The following FBXL2 variants were observed in gnomAD, a reference collection of about 807,000 sequenced individuals.
The protein encoded by FBXL2 is F-box and leucine rich repeat protein 2, also known as F-box/LRR-repeat protein 2.
Under a neutral mutation model 69.2 loss-of-function variants are expected in FBXL2, and 38 were observed. The observed-to-expected ratio is 0.55, with a 90% CI of 0.42 to 0.72. FBXL2 has a LOEUF of 0.72. Among genes scored for constraint, FBXL2 ranks in the 30% least tolerant of loss-of-function variants. The probability of loss-of-function intolerance (pLI) is 0.00; values close to 1 mark genes in which losing one functional copy is unlikely to be tolerated. For missense variants in FBXL2, 354 were observed against 520.3 expected (o/e 0.68, Z 3.11); for synonymous variants, 192 against 201.3 (o/e 0.95, Z 0.39).
chr3:33,334,557 T>C (rs1379725364), intron 2 of FBXL2, among the ~76,000 whole-genome samples: 2 of 152,026 alleles, frequency 1.3e-5, no homozygotes, highest in Non-Finnish European at 2.9e-5. Flanking sequence ...TAAGGAAATA[T>C]TAAGAGGTCT....
chr3:33,336,458 A>G (rs1416892246), intron 2 of FBXL2, among the ~76,000 whole-genome samples: 3 of 152,234 alleles, frequency 2.0e-5, no homozygotes, highest in Non-Finnish European at 2.9e-5. Flanking sequence ...GTTCATAGAT[A>G]TAAATGTGAA....
At chr3:33,315,190 T>A (rs1464503430) in intron 2 of FBXL2, among the ~76,000 whole-genome samples, 1 of 151,834 alleles carries the variant, frequency 6.6e-6, no homozygotes, top group Non-Finnish European at 1.5e-5. Context: ...ATTCTTTCCT[T>A]TCTTTTCTTT....
chr3:33,382,383 C>T (rs981976304), intron 13 of FBXL2, among the ~76,000 whole-genome samples: 3 of 152,218 alleles, frequency 2.0e-5, no homozygotes, highest in Non-Finnish European at 2.9e-5. Flanking sequence ...AAGGCCCTTT[C>T]TGCTCCCTTT....
Position 33,373,737 on chromosome 3 carries a change from T to C in FBXL2, c.582+33T>C, listed in dbSNP as rs373826836. 1.6e-4 allele frequency: 253 copies of C among 1,614,044 alleles called. 1 individual carries two copies. Among genetic ancestry groups the C allele is most frequent in the Non-Finnish European group, 2.0e-4 (236 of 1,180,010 alleles). On this transcript the variant is annotated intron_variant, in intron 8 of 14. Transcript: ENST00000484457. ...AGGGTTGATACAGCTGTTTGTGTTA[T>C]GTGTCAGGTGTGGGCACATCATCCA...
intron 2 of FBXL2, among the ~76,000 whole-genome samples, chr3:33,299,551 C>G (rs1393060371): frequency 6.6e-6 from 1 of 152,196 alleles, no homozygotes; most frequent in Non-Finnish European, 1.5e-5. Context: ...AGATTACTCA[C>G]ATTTGCTGTC....
At chr3:33,367,225 T>G (rs7645855) in intron 5 of FBXL2, among the ~76,000 whole-genome samples, 54,525 of 151,690 alleles carry the variant, frequency 0.36, 10,559 homozygotes, top group East Asian at 0.57. Context: ...GAGATTACAG[T>G]CACCCACCAC....
At chr3:33,289,893 C>G in intron 1 of FBXL2, 1 of 580,728 alleles carries the variant, frequency 1.7e-6, no homozygotes, top group Non-Finnish European at 2.2e-6. Flanking sequence ...CCTGGGCGTG[C>G]AACAGGCTGG....
At chr3:33,284,398 T>C (rs1218859949) in intron 1 of FBXL2, among the ~76,000 whole-genome samples, 1 of 152,268 alleles carries the variant, frequency 6.6e-6, no homozygotes, top group Non-Finnish European at 1.5e-5. Flanking sequence ...TTGATTGCAC[T>C]GTGGTCTGAG....
At chr3:33,411,506 C>G in the FBXL2 span, 2 of 1,230,966 alleles carry the variant, frequency 1.6e-6, no homozygotes, top group African/African-American at 1.5e-5. Flanking sequence ...GGAAATGATA[C>G]TGTATCAAAA....
intron 2 of FBXL2, among the ~76,000 whole-genome samples, chr3:33,313,642 CTTA>C (rs909567192): frequency 4.1e-5 from 6 of 146,290 alleles, no homozygotes; most frequent in Non-Finnish European, 7.4e-5. Flanking sequence ...GTGGCAGGGT[CTTA>C]TTATGTTGCC....
intron 2 of FBXL2, among the ~76,000 whole-genome samples, chr3:33,330,913 AAACAC>A (rs1231761065): frequency 6.8e-6 from 1 of 148,064 alleles, no homozygotes. Flanking sequence ...ACACACACAC[AAACAC>A]ACACACACAC....
chr3:33,338,809 A>G (rs2039785617), intron 2 of FBXL2, among the ~76,000 whole-genome samples: 1 of 152,134 alleles, frequency 6.6e-6, no homozygotes, highest in African/African-American at 2.4e-5. Flanking sequence ...TGTAAAACCT[A>G]AAAATATAAA....
chr3:33,381,214 T>C (rs899531532), intron 13 of FBXL2, among the ~76,000 whole-genome samples: 2 of 152,230 alleles, frequency 1.3e-5, no homozygotes, highest in Non-Finnish European at 2.9e-5. Context: ...TCTCATATGT[T>C]ACTGTTAACT....
downstream of FBXL2, chr3:33,392,826 GGTCA>G (rs201002588): frequency 2.9e-3 from 1,377 of 474,012 alleles, 18 homozygotes; most frequent in African/African-American, 0.02. Flanking sequence ...TGAGAGACCT[GGTCA>G]GTCACCCATG....
chr3:33,296,958 A>G (rs896153703), intron 1 of FBXL2, among the ~76,000 whole-genome samples: 5 of 152,346 alleles, frequency 3.3e-5, no homozygotes, highest in African/African-American at 1.2e-4. Flanking sequence ...GAAAGATTGC[A>G]TTAAATCTAT....
the FBXL2 span, chr3:33,412,940 C>A: frequency 1.6e-6 from 1 of 638,246 alleles, no homozygotes; most frequent in Non-Finnish European, 2.8e-6. Context: ...CAACTAGATT[C>A]TGTTTTAAAC....
intron 2 of FBXL2, chr3:33,298,000 T>C (rs774032281): frequency 1.6e-5 from 7 of 433,432 alleles, no homozygotes; most frequent in Non-Finnish European, 2.6e-5. Flanking sequence ...TGCCATTGTT[T>C]TGTTTTCAGT....
At chr3:33,354,419 C>T (rs1424226876) in intron 2 of FBXL2, among the ~76,000 whole-genome samples, 1 of 151,588 alleles carries the variant, frequency 6.6e-6, no homozygotes, top group African/African-American at 2.4e-5. Flanking sequence ...GAGGCTGAGA[C>T]AGGAGAATTG....
At chr3:33,418,640 C>T in the FBXL2 span, among the ~76,000 whole-genome samples, 2 of 151,704 alleles carry the variant, frequency 1.3e-5, no homozygotes, top group Non-Finnish European at 2.9e-5. Context: ...GGGCAGATCA[C>T]CTGAGGTTGG....
Sources: allele counts gnomAD v4.1 joint callset (sites outside exome capture counted in the v4.1 genomes callset), GRCh38; gene constraint gnomAD v4.1.1; transcripts MANE v1.5; gene names NCBI Gene and HGNC (gene_info 2026-07-23, HGNC 2026-07-21).